Variants in MCC observed in about 807,000 individuals in gnomAD.
MCC encodes the protein colorectal mutant cancer protein.
MCC carries 90 observed loss-of-function variants against 116.2 expected under a neutral mutation model. The ratio of observed to expected loss-of-function variants is 0.77; its 90% CI spans 0.65 to 0.92. The LOEUF is 0.92. Among genes scored for constraint, MCC ranks in the 40% least tolerant of loss-of-function variants. The pLI is 0.00. For missense variants in MCC, 1,516 were observed against 1,312.2 expected, an observed-to-expected ratio of 1.16 and a Z score of -2.40; for synonymous variants, 578 against 510.5, an observed-to-expected ratio of 1.13 and a Z score of -1.78.
At chr5:113,348,274 A>G (rs1313431768) in intron 2 of MCC, among the ~76,000 whole-genome samples, 1 of 152,140 alleles carries the variant, frequency 6.6e-6, no homozygotes, top group East Asian at 1.9e-4. Flanking sequence ...TCTTCTCCTC[A>G]GCACACAGAT....
intron 3 of MCC, among the ~76,000 whole-genome samples, chr5:113,198,607 G>C (rs1413369731): frequency 6.6e-6 from 1 of 151,580 alleles, no homozygotes; most frequent in Non-Finnish European, 1.5e-5. Context: ...GGCAGGTTGA[G>C]GCAGGAGGAT....
intron 3 of MCC, among the ~76,000 whole-genome samples, chr5:113,310,374 C>T (rs1215068474): frequency 1.3e-5 from 2 of 152,200 alleles, no homozygotes; most frequent in African/African-American, 2.4e-5. Context: ...TACCAGCTAC[C>T]AATCCTTCTA....
chr5:113,281,847 A>G (rs1005569931), intron 3 of MCC, among the ~76,000 whole-genome samples: 1 of 152,246 alleles, frequency 6.6e-6, no homozygotes, highest in African/African-American at 2.4e-5. Context: ...GCTCACAAAT[A>G]TAGCTACTAA....
At chr5:113,444,022 T>TGTGTGTGTG (rs1554084179) in intron 1 of MCC, among the ~76,000 whole-genome samples, 5 of 151,542 alleles carry the variant, frequency 3.3e-5, no homozygotes, top group East Asian at 1.9e-4. Context: ...TGTGTGTGTG[T>TGTGTGTGTG]TTAGTAGAGA....
At chr5:113,083,802 G>A (rs1470906103) in intron 10 of MCC, among the ~76,000 whole-genome samples, 1 of 152,092 alleles carries the variant, frequency 6.6e-6, no homozygotes, top group Non-Finnish European at 1.5e-5. Flanking sequence ...GGTGATATAA[G>A]ACAGATACTT....
rs1301339620 is a variant in MCC at position 113,101,944 on chromosome 5, G to A, written c.1193C>T (p.Thr398Ile). ...AAGCACCCCCTCAATCTCCTCGACT[G>A]TCTGTAAAACACAGCCCCAAAGAAA... ...ASEHCDLAIK[T>I]VEEIEGVLGR... is the part of the protein sequence containing the mutation. Residue 398 changes from threonine to isoleucine, a missense_variant and splice_region_variant, in exon 8 of 19, where the codon ACA becomes ATA. Coordinates refer to ENST00000408903, the MANE Select transcript of MCC (RefSeq NM_001085377.2). 2.5e-6 allele frequency: 4 copies of A among 1,613,826 alleles called. No individual in the cohort carries two copies. Among genetic ancestry groups the A allele is most frequent in the Non-Finnish European group, 3.4e-6 (4 of 1,179,980 alleles).
intron 11 of MCC, among the ~76,000 whole-genome samples, chr5:113,072,966 G>A (rs1489429976): frequency 6.6e-6 from 1 of 151,974 alleles, no homozygotes; most frequent in Non-Finnish European, 1.5e-5. Flanking sequence ...CTCAGTAAAT[G>A]CCACCACCGT....
intron 17 of MCC, among the ~76,000 whole-genome samples, chr5:113,042,474 CAAAAAA>C (rs5870523): frequency 2.9e-5 from 2 of 68,464 alleles, no homozygotes; most frequent in African/African-American, 1.2e-4. Flanking sequence ...GACCCTCTCT[CAAAAAA>C]AAAAAAAAAA....
In MCC at chr5:113,107,294, T is replaced by C. The variant is rs574833488; in HGVS notation, c.1028-2939A>G. Reference sequence around the variant, plus strand: ...GTGCAGTGGTGCAGTCTCAGCTCACTGCAACCTCCACCTCCCGGGTTCAAG... The same window carrying C: ...GTGCAGTGGTGCAGTCTCAGCTCACCGCAACCTCCACCTCCCGGGTTCAAG... On this transcript the variant is annotated intron_variant, in intron 6 of 18. Transcript: ENST00000408903. Among the ~76,000 whole-genome samples, 34 of 150,576 alleles carry C rather than the reference T, an allele frequency of 2.3e-4. No homozygotes were observed. The South Asian group carries it at 7.3e-3, about 32-fold the overall frequency.
At chr5:113,458,732 G>C (rs1361663821) in intron 1 of MCC, among the ~76,000 whole-genome samples, 1 of 152,188 alleles carries the variant, frequency 6.6e-6, no homozygotes, top group East Asian at 1.9e-4. Context: ...AGACAATTAG[G>C]AGTTGGGAAG....
intron 3 of MCC, among the ~76,000 whole-genome samples, chr5:113,240,170 T>A (rs555346281): frequency 6.6e-6 from 1 of 152,144 alleles, no homozygotes; most frequent in Non-Finnish European, 1.5e-5. Context: ...TGTGACTGCA[T>A]AGGGAAGGAC....
At chr5:113,410,769 A>G (rs1769968304) in intron 1 of MCC, among the ~76,000 whole-genome samples, 2 of 152,110 alleles carry the variant, frequency 1.3e-5, no homozygotes, top group African/African-American at 4.8e-5. Flanking sequence ...GCTCCACCCT[A>G]CAACAGGCCC....
At chr5:113,191,939 A>G (rs986926936) in intron 3 of MCC, among the ~76,000 whole-genome samples, 3 of 152,204 alleles carry the variant, frequency 2.0e-5, no homozygotes, top group Admixed American at 2.0e-4. Flanking sequence ...GTACTGTACA[A>G]GCCCTGGATA....
chr5:113,026,004 G>T lies in MCC; in HGVS notation c.*1298C>A, dbSNP rs1750521684. 6.6e-6 allele frequency: 1 copy of T among 152,154 alleles called. No homozygotes were observed. Among genetic ancestry groups the T allele is most frequent in the African/African-American group, 2.4e-5 (1 of 41,418 alleles). The allele number at this position is 152,154 out of a possible 1,614,324, so 9.4% of individuals were successfully genotyped here. A position where few individuals can be genotyped will look rare whatever the true frequency, so the allele number is the denominator to read the frequency against. ...GGTGCTACAGAAAAAAACAGTAAAT[G>T]GTCCTTCAAGTGTATCAGTGTAGAA... On this transcript the variant is annotated 3_prime_UTR_variant, in exon 19 of 19. Coordinates refer to ENST00000408903, the MANE Select transcript of MCC (RefSeq NM_001085377.2).
intron 3 of MCC, among the ~76,000 whole-genome samples, chr5:113,303,139 T>C (rs746737377): frequency 1.3e-5 from 2 of 152,214 alleles, no homozygotes; most frequent in Non-Finnish European, 2.9e-5. Flanking sequence ...GAGATTCCTA[T>C]TTGACATCTA....
chr5:113,273,178 G>A (rs1354986885), intron 3 of MCC, among the ~76,000 whole-genome samples: 1 of 152,112 alleles, frequency 6.6e-6, no homozygotes, highest in Non-Finnish European at 1.5e-5. Context: ...CAAACTTTTG[G>A]AATAGAAAGA....
intron 3 of MCC, among the ~76,000 whole-genome samples, chr5:113,179,157 C>T (rs1761486061): frequency 6.6e-6 from 1 of 152,190 alleles, no homozygotes; most frequent in Admixed American, 6.5e-5. Context: ...CCTGTAAATC[C>T]ATGTAATGTT....
chr5:113,402,860 T>C (rs2150399521), intron 1 of MCC, among the ~76,000 whole-genome samples: 1 of 152,248 alleles, frequency 6.6e-6, no homozygotes, highest in East Asian at 1.9e-4. Context: ...AGTGGTGCGA[T>C]CATAGTTCAC....
At chr5:113,057,172 G>A (rs1172905876) in intron 14 of MCC, among the ~76,000 whole-genome samples, 1 of 152,212 alleles carries the variant, frequency 6.6e-6, no homozygotes, top group African/African-American at 2.4e-5. Context: ...AGTGGTCAGA[G>A]AGGGAGTGCG....
Sources: gnomAD v4.1 joint callset for allele counts (sites outside exome capture counted in the v4.1 genomes callset) on GRCh38, gnomAD v4.1.1 for gene constraint, MANE v1.5 for transcripts, NCBI Gene and HGNC (gene_info 2026-07-23, HGNC 2026-07-21) for gene names.